Variants in PCDHGA5 observed in about 807,000 individuals in gnomAD.
The protein encoded by PCDHGA5 is protocadherin gamma-A5.
PCDHGA5 carries 36 observed loss-of-function variants against 56.7 expected under a neutral mutation model. That is an observed-to-expected ratio of 0.64 (90% CI 0.49 to 0.84). The LOEUF (loss-of-function observed/expected upper bound fraction) is 0.84. PCDHGA5 is among the 40% of genes least tolerant of loss of function. The probability of loss-of-function intolerance (pLI) is 0.00; values close to 1 mark genes in which losing one functional copy is unlikely to be tolerated. For missense variants in PCDHGA5, 1,305 were observed against 1,201.5 expected, an observed-to-expected ratio of 1.09 and a Z score of -1.27; for synonymous variants, 563 against 520.2, an observed-to-expected ratio of 1.08 and a Z score of -1.12.
chr5:141,489,804 G>A lies in PCDHGA5; in HGVS notation c.2422-5003G>A, dbSNP rs2099692572. 1 of 1,614,056 alleles carries A rather than the reference G, an allele frequency of 6.2e-7. No homozygotes were observed. The highest frequency in any genetic ancestry group is 1.3e-5 in the African/African-American group (1 of 74,932). ...TGAATGTGAAGACCCTAAAAGATGG[G>A]AAGCCATTCCCAGAGCTGGTGCTAG... On this transcript the variant is annotated intron_variant, in intron 1 of 3. Transcript: ENST00000518069. The surrounding 1 kb of genome is among the most constrained non-coding windows in gnomAD (Gnocchi z 4.5).
At chr5:141,506,092 G>A (rs1595997534) in intron 3 of PCDHGA5, among the ~76,000 whole-genome samples, 1 of 152,142 alleles carries the variant, frequency 6.6e-6, no homozygotes, top group Admixed American at 6.6e-5. Flanking sequence ...TTCGGCTAGT[G>A]GTGGTTGTCC....
intron 1 of PCDHGA5, chr5:141,409,901 C>G: frequency 6.2e-7 from 1 of 1,613,264 alleles, no homozygotes; most frequent in Non-Finnish European, 8.5e-7. Context: ...GTACCCAGCT[C>G]TGGGTCCTGA....
rs1427742903 is a variant in PCDHGA5 at position 141,477,916 on chromosome 5, A to G, written c.2422-16891A>G. On this transcript the variant is annotated intron_variant, in intron 1 of 3. Coordinates refer to ENST00000518069, the MANE Select transcript of PCDHGA5 (RefSeq NM_018918.3). This position sits in a 1 kb window ranked among gnomAD's most constrained non-coding sequence, Gnocchi z 4.9. ...GGGTGGTAGGCTGGGACGCGGATGC[A>G]GGGCACAATGCCTGGCTCTCCTACA... The G allele has an allele frequency of 1.2e-6, 2 of 1,614,042 alleles. No homozygotes were observed. The highest frequency in any genetic ancestry group is 2.7e-5 in the African/African-American group (2 of 74,932).
intron 1 of PCDHGA5, chr5:141,398,815 A>G (rs1369560562): frequency 6.2e-7 from 1 of 1,613,870 alleles, no homozygotes; most frequent in East Asian, 2.2e-5. Context: ...TGAGCTCCGG[A>G]TCCAGGTAAC....
At position 141,489,635 on chromosome 5, in the gene PCDHGA5, G is replaced by C. The variant is rs1380466520; in HGVS notation, c.2422-5172G>C. 2 of 1,614,142 alleles carry C rather than the reference G, an allele frequency of 1.2e-6. No homozygotes were observed. The highest frequency in any genetic ancestry group is 3.3e-5 in the Admixed American group (2 of 60,016). ...CTGGATCTCAATGACAACTCTCCTAGCTTTGCCACCCCTGAGCGAGAGATG... is the reference window on the plus strand; with the variant it reads ...CTGGATCTCAATGACAACTCTCCTACCTTTGCCACCCCTGAGCGAGAGATG... On this transcript the variant is annotated intron_variant, in intron 1 of 3. Transcript: ENST00000518069. This position sits in a 1 kb window ranked among gnomAD's most constrained non-coding sequence, Gnocchi z 4.5.
intron 1 of PCDHGA5, chr5:141,424,767 A>T (rs139479155): frequency 2.9e-4 from 44 of 152,290 alleles, no homozygotes; most frequent in African/African-American, 1.0e-3. Flanking sequence ...TTCTTATGGC[A>T]AATAGTACAT....
intron 2 of PCDHGA5, among the ~76,000 whole-genome samples, chr5:141,498,068 A>G (rs765582921): frequency 6.6e-6 from 1 of 152,244 alleles, no homozygotes; most frequent in Non-Finnish European, 1.5e-5. Context: ...TGAAACTGTC[A>G]TAAGTGCTAG....
At chr5:141,399,927 G>A (rs918358571) in intron 1 of PCDHGA5, 7 of 1,612,226 alleles carry the variant, frequency 4.3e-6, no homozygotes, top group Non-Finnish European at 5.1e-6. Flanking sequence ...ACGCCTGGCT[G>A]TCCTACCACG....
At chr5:141,439,126 G>A (rs2098089550) in intron 1 of PCDHGA5, among the ~76,000 whole-genome samples, 1 of 151,328 alleles carries the variant, frequency 6.6e-6, no homozygotes, top group African/African-American at 2.4e-5. Flanking sequence ...CCGGGAGACA[G>A]AGGTTGCAGT....
At chr5:141,371,133 T>A in intron 1 of PCDHGA5, 2 of 1,614,000 alleles carry the variant, frequency 1.2e-6, no homozygotes, top group Non-Finnish European at 1.7e-6. Context: ...TCAGGACATG[T>A]ACAGGGTCAA....
chr5:141,467,681 A>G (rs2099148744), intron 1 of PCDHGA5, among the ~76,000 whole-genome samples: 1 of 152,076 alleles, frequency 6.6e-6, no homozygotes, highest in African/African-American at 2.4e-5. Flanking sequence ...TATTTTTTTT[A>G]GACAGGGTCT....
intron 2 of PCDHGA5, among the ~76,000 whole-genome samples, chr5:141,502,296 G>A (rs758304596): frequency 7.9e-5 from 12 of 151,130 alleles, no homozygotes; most frequent in Non-Finnish European, 1.2e-4. Context: ...TGGTTGTCAC[G>A]TCTTTCCTCT....
intron 1 of PCDHGA5, chr5:141,475,937 C>G (rs970582600): frequency 2.8e-5 from 19 of 676,764 alleles, no homozygotes; most frequent in African/African-American, 1.8e-4. Context: ...GGCCCCTGCC[C>G]GTCCCCTTTC....
chr5:141,434,174 C>T (rs1310074584), intron 1 of PCDHGA5, among the ~76,000 whole-genome samples: 1 of 152,132 alleles, frequency 6.6e-6, no homozygotes, highest in Non-Finnish European at 1.5e-5. Flanking sequence ...GGGATTATAT[C>T]CAAGATTTGT....
At chr5:141,427,146 AAT>A (rs1561826638) in intron 1 of PCDHGA5, 1 of 456,990 alleles carries the variant, frequency 2.2e-6, no homozygotes, top group Non-Finnish European at 4.4e-6. Context: ...TGATATTGGA[AAT>A]ATGTTTGTGC....
chr5:141,382,486 C>T (rs1278703321), intron 1 of PCDHGA5, among the ~76,000 whole-genome samples: 1 of 152,192 alleles, frequency 6.6e-6, no homozygotes, highest in African/African-American at 2.4e-5. Flanking sequence ...GATTATCAAA[C>T]ACCGGTCCAT....
Position 141,491,883 on chromosome 5 carries a change from G to T in PCDHGA5, c.2422-2924G>T. On this transcript the variant is annotated intron_variant, in intron 1 of 3. Transcript: ENST00000518069. The surrounding 1 kb of genome is among the most constrained non-coding windows in gnomAD (Gnocchi z 6.9). The stretch of plus-strand genomic sequence containing the variant: ...AAACCAGAGTGGCCGATTAAGGGAT[G>T]GGGCTCCGAGCACCGGGGGTGGTGG... 1 of 1,446,756 alleles carries T rather than the reference G, an allele frequency of 6.9e-7. No individual in the cohort carries two copies. Among genetic ancestry groups the T allele is most frequent in the South Asian group, 1.5e-5 (1 of 67,644 alleles). 89.6% of individuals were successfully genotyped at this position (1,446,756 alleles called of 1,614,324 possible). A position where few individuals can be genotyped will look rare whatever the true frequency, so the allele number is the denominator to read the frequency against.
intron 1 of PCDHGA5, chr5:141,423,869 T>A (rs1239422805): frequency 5.4e-6 from 7 of 1,285,484 alleles, no homozygotes; most frequent in Non-Finnish European, 6.9e-6. Flanking sequence ...TGAAAGTCAT[T>A]TTTCAATCTT....
In PCDHGA5 at chr5:141,477,147, A is replaced by G. The variant is rs1195888163; in HGVS notation, c.2422-17660A>G. On this transcript the variant is annotated intron_variant, in intron 1 of 3. Coordinates refer to ENST00000518069, the MANE Select transcript of PCDHGA5 (RefSeq NM_018918.3). The surrounding 1 kb of genome is among the most constrained non-coding windows in gnomAD (Gnocchi z 4.9). The stretch of plus-strand genomic sequence containing the variant: ...TGCAAAGTGTTGGTGGAGGTTGTGG[A>G]TGTGAATGACAACGCCCCGGAGATC... 2 of 1,614,168 alleles carry G rather than the reference A, an allele frequency of 1.2e-6. No individual in the cohort carries two copies. The highest frequency in any genetic ancestry group is 1.1e-5 in the South Asian group (1 of 91,080).
Sources: allele counts gnomAD v4.1 joint callset (sites outside exome capture counted in the v4.1 genomes callset), GRCh38; gene constraint gnomAD v4.1.1; non-coding constraint Gnocchi (gnomAD v3.1); transcripts MANE v1.5; gene names NCBI Gene and HGNC (gene_info 2026-07-23, HGNC 2026-07-21).